FADS2: variants seen among roughly 807,000 people sequenced by gnomAD.
FADS2 encodes fatty acid desaturase 2, also known as acyl-CoA 6-desaturase.
In FADS2, 18 loss-of-function variants were observed where a neutral mutation model predicts 61.2. That is an observed-to-expected ratio of 0.29 (90% CI 0.20 to 0.44). The LOEUF (loss-of-function observed/expected upper bound fraction) is 0.44, where lower values mean the gene tolerates loss of function less well. FADS2 is among the 20% of genes least tolerant of loss of function. The pLI, the probability that FADS2 is intolerant of heterozygous loss-of-function variation, is 1.00. For missense variants in FADS2, 322 were observed against 572.7 expected (o/e 0.56, Z 4.47); for synonymous variants, 203 against 223.9 (o/e 0.91, Z 0.83).
At chr11:61,852,770 T>G (rs1381424247) in intron 5 of FADS2, among the ~76,000 whole-genome samples, 3 of 152,196 alleles carry the variant, frequency 2.0e-5, no homozygotes, top group Non-Finnish European at 4.4e-5. Flanking sequence ...CCCGCTAGTG[T>G]CCACTTACGT....
chr11:61,843,190 G>A (rs1009628325), intron 4 of FADS2, among the ~76,000 whole-genome samples: 13 of 152,222 alleles, frequency 8.5e-5, no homozygotes, highest in Non-Finnish European at 1.5e-4. Context: ...AGCGCTTTGG[G>A]AGGTCAAGGC....
intron 2 of FADS2, among the ~76,000 whole-genome samples, chr11:61,840,102 T>G (rs915177764): frequency 6.6e-6 from 1 of 152,254 alleles, no homozygotes; most frequent in African/African-American, 2.4e-5. Context: ...TCAAAGCCTT[T>G]CTCTGTCACT....
chr11:61,832,054 G>A (rs1002022717), intron 1 of FADS2, among the ~76,000 whole-genome samples: 2 of 152,136 alleles, frequency 1.3e-5, no homozygotes, highest in African/African-American at 4.8e-5. Flanking sequence ...CTGAAGCTGT[G>A]GGATGTGCTC....
At chr11:61,824,201 G>C (rs1017747195), upstream of FADS2, among the ~76,000 whole-genome samples, 5 of 151,776 alleles carry the variant, frequency 3.3e-5, no homozygotes, top group Non-Finnish European at 7.4e-5. Flanking sequence ...CACCAACATG[G>C]AGAAACCCTG....
rs1270089061 is a variant in FADS2 at position 61,841,523 on chromosome 11, A to AC, written c.618+807dup. ...AGACCAGCCTGGGCAACATAGTGAG[A>AC]CCCCCCCCCATCTCTCAAAAAAAAA... On this transcript the variant is annotated intron_variant, in intron 4 of 11. Transcript: ENST00000278840. 6.6e-3 allele frequency among the ~76,000 whole-genome samples: 844 copies of AC among 127,000 alleles called. 4 individuals carry two copies. The highest frequency in any genetic ancestry group is 0.017 in the South Asian group (65 of 3,770). The allele number at this position is 127,000 out of a possible 152,430, so 83.3% of individuals were successfully genotyped here. A position where few individuals can be genotyped will look rare whatever the true frequency, so the allele number is the denominator to read the frequency against.
chr11:61,839,985 G>A (rs80349011), intron 2 of FADS2, among the ~76,000 whole-genome samples: 2,936 of 152,312 alleles, frequency 0.019, 48 homozygotes, highest in Middle Eastern at 0.034. Context: ...GATAGACCAC[G>A]TGTTGCTGAT....
chr11:61,850,575 A>G (rs2067297883), intron 5 of FADS2, among the ~76,000 whole-genome samples: 2 of 151,966 alleles, frequency 1.3e-5, no homozygotes, highest in Admixed American at 6.6e-5. Flanking sequence ...TAAAAGCCCC[A>G]CCAATGCGTT....
At chr11:61,864,528 G>A (rs1297769669) in intron 10 of FADS2, among the ~76,000 whole-genome samples, 2 of 152,150 alleles carry the variant, frequency 1.3e-5, no homozygotes, top group Non-Finnish European at 2.9e-5. Context: ...CACGTAGCTG[G>A]GATTACAGGC....
Position 61,865,905 on chromosome 11 carries a change from G to A in FADS2, c.*216G>A, listed in dbSNP as rs1325780560. ...GGGACCTGCCCTCCCTCAGCCGTCAGCCATCAGCCATGGCCCTCCCAGTGC... is the reference window on the plus strand; with the variant it reads ...GGGACCTGCCCTCCCTCAGCCGTCAACCATCAGCCATGGCCCTCCCAGTGC... On this transcript the variant is annotated 3_prime_UTR_variant, in exon 12 of 12. Coordinates refer to ENST00000278840, the MANE Select transcript of FADS2 (RefSeq NM_004265.4). This position sits in a 1 kb window ranked among gnomAD's most constrained non-coding sequence, Gnocchi z 4.1. 3.5e-6 allele frequency: 2 copies of A among 575,274 alleles called. No homozygotes were observed. The highest frequency in any genetic ancestry group is 5.6e-5 in the East Asian group (2 of 35,858). 35.6% of individuals were successfully genotyped at this position (575,274 alleles called of 1,614,324 possible).
At chr11:61,859,707 C>T (rs1721426892) in intron 7 of FADS2, among the ~76,000 whole-genome samples, 1 of 135,696 alleles carries the variant, frequency 7.4e-6, no homozygotes, top group Admixed American at 7.1e-5. Flanking sequence ...TGGCCTATTG[C>T]CGGGCGCAGT....
At chr11:61,838,770 T>C (rs2067195369) in intron 2 of FADS2, among the ~76,000 whole-genome samples, 2 of 152,092 alleles carry the variant, frequency 1.3e-5, no homozygotes, top group Admixed American at 6.5e-5. Flanking sequence ...CCTGTACCCA[T>C]GCCAGCCCAT....
At chr11:61,825,271 C>A (rs1038689653), upstream of FADS2, among the ~76,000 whole-genome samples, 1 of 152,150 alleles carries the variant, frequency 6.6e-6, no homozygotes, top group Non-Finnish European at 1.5e-5. Flanking sequence ...TTCATCTCTA[C>A]CATCACCCCT....
rs1278987037 is a variant in FADS2 at position 61,857,536 on chromosome 11, T to C, written c.882+6T>C. 4 of 1,611,760 alleles carry C rather than the reference T, an allele frequency of 2.5e-6. No individual in the cohort carries two copies. The South Asian group carries it at 3.3e-5, about 13-fold the overall frequency. ...TCGTCCATAAGAACTGGGTGGTGAG[T>C]TGGGGACACAGCTGGCTTGGCATGG... On this transcript the variant is annotated splice_donor_region_variant and intron_variant, in intron 7 of 11. Transcript: ENST00000278840.
intron 4 of FADS2, chr11:61,847,897 C>T (rs2067273584): frequency 2.3e-6 from 1 of 439,914 alleles, no homozygotes; most frequent in East Asian, 4.7e-5. Flanking sequence ...TGTGGTCCCT[C>T]AGCAGCACGC....
chr11:61,852,132 C>G (rs903460982), intron 5 of FADS2, among the ~76,000 whole-genome samples: 4 of 152,200 alleles, frequency 2.6e-5, no homozygotes, highest in African/African-American at 9.6e-5. Flanking sequence ...CTGGGCTGGG[C>G]TGTCTGTCCT....
intron 5 of FADS2, among the ~76,000 whole-genome samples, chr11:61,853,029 C>T (rs572794080): frequency 6.6e-6 from 1 of 152,218 alleles, no homozygotes; most frequent in Non-Finnish European, 1.5e-5. Flanking sequence ...GTGGCACACG[C>T]CTGTAGTCTC....
At chr11:61,838,036 G>A (rs1004420822) in intron 2 of FADS2, 148 bp downstream of exon 2, 2 of 638,132 alleles carry the variant, frequency 3.1e-6, no homozygotes, top group Admixed American at 5.0e-5. Flanking sequence ...GTTCACCTGT[G>A]TTCAGGGAGG....
At chr11:61,857,346 C>G in intron 6 of FADS2, 108 bp from the exon 7 acceptor site, 1 of 1,045,544 alleles carries the variant, frequency 9.6e-7, no homozygotes, top group Non-Finnish European at 1.5e-6. Context: ...CTTCTGCCCA[C>G]GTCTGCAGGG....
At chr11:61,822,779 CAT>C (rs1463225529) in intron 1 of FADS2, among the ~76,000 whole-genome samples, 1 of 152,166 alleles carries the variant, frequency 6.6e-6, no homozygotes, top group East Asian at 1.9e-4. Context: ...AGTAAGTCAT[CAT>C]ATATCTATAA....
Sources: allele counts gnomAD v4.1 joint callset (sites outside exome capture counted in the v4.1 genomes callset), GRCh38; gene constraint gnomAD v4.1.1; non-coding constraint Gnocchi (gnomAD v3.1); transcripts MANE v1.5; gene names NCBI Gene and HGNC (gene_info 2026-07-23, HGNC 2026-07-21).